Variants in MROH7 observed in about 807,000 individuals in gnomAD.
The protein encoded by MROH7 is maestro heat-like repeat-containing protein family member 7.
A neutral mutation model predicts 129.2 loss-of-function variants in MROH7; 113 were observed. The ratio of observed to expected loss-of-function variants is 0.87; its 90% confidence interval spans 0.75 to 1.02. The LOEUF is 1.02. Among genes scored for constraint, MROH7 ranks in the 50% least tolerant of loss-of-function variants. The pLI is 0.00. For missense variants in MROH7, 1,601 were observed against 1,671.3 expected, an observed-to-expected ratio of 0.96 and a Z score of 0.73; for synonymous variants, 655 against 667.9, an observed-to-expected ratio of 0.98 and a Z score of 0.30.
intron 15 of MROH7, among the ~76,000 whole-genome samples, chr1:54,691,828 G>GTA (rs1645244111): frequency 6.7e-6 from 1 of 149,992 alleles, no homozygotes; most frequent in South Asian, 2.1e-4. Context: ...GTGTGTGTGT[G>GTA]TGTGTGTGTA....
chr1:54,668,314 T>C (rs1212253156), intron 4 of MROH7, among the ~76,000 whole-genome samples: 1 of 152,256 alleles, frequency 6.6e-6, no homozygotes, highest in Non-Finnish European at 1.5e-5. Context: ...GCAGCCATTT[T>C]CAATATGCCA....
chr1:54,690,679 G>C (rs1479605381), intron 15 of MROH7, among the ~76,000 whole-genome samples: 1 of 152,184 alleles, frequency 6.6e-6, no homozygotes, highest in South Asian at 2.1e-4. Flanking sequence ...TCCTGACCTC[G>C]TGATCCACCC....
At position 54,703,154 on chromosome 1, in the gene MROH7, C is replaced by T. The variant is rs1645466907; in HGVS notation, c.3564+409C>T. 6.6e-6 allele frequency among the ~76,000 whole-genome samples: 1 copy of T among 152,192 alleles called. No homozygotes were observed. The highest frequency in any genetic ancestry group is 2.4e-5 in the African/African-American group (1 of 41,446). ...TGCTTTTCCCTCCCCACCCTGCTGC[C>T]ATCGTTGCCCTTAATTCAGGGCACC... is the stretch of plus-strand genomic sequence containing the variant. On this transcript the variant is annotated intron_variant, in intron 21 of 23. Coordinates refer to ENST00000421030, the MANE Select transcript of MROH7 (RefSeq NM_001039464.4). This position sits in a 1 kb window ranked among gnomAD's most constrained non-coding sequence, Gnocchi z 4.4.
chr1:54,697,471 A>G, intron 17 of MROH7: 1 of 521,436 alleles, frequency 1.9e-6, no homozygotes, highest in Non-Finnish European at 3.4e-6. Flanking sequence ...CTCCAGGGAG[A>G]GCAAACCTGG....
chr1:54,706,626 C>G, intron 22 of MROH7, 89 bp downstream of exon 22: 1 of 948,296 alleles, frequency 1.1e-6, no homozygotes, highest in Non-Finnish European at 1.7e-6. Context: ...CCTTTCAGCA[C>G]CTGGGGGGAT....
intron 1 of MROH7, among the ~76,000 whole-genome samples, chr1:54,649,875 C>G (rs1260578421): frequency 6.6e-6 from 1 of 152,182 alleles, no homozygotes; most frequent in African/African-American, 2.4e-5. Context: ...ACTGTGAAAT[C>G]AAGGAGCAAT....
In MROH7 at chr1:54,645,776, C is replaced by A. The variant is rs151159094; in HGVS notation, c.-110+3808C>A. 1.8e-3 allele frequency among the ~76,000 whole-genome samples: 277 copies of A among 151,432 alleles called. 2 individuals carry two copies. Among genetic ancestry groups the A allele is most frequent in the African/African-American group, 6.4e-3 (265 of 41,218 alleles). On this transcript the variant is annotated intron_variant, in intron 1 of 23. Coordinates refer to ENST00000421030, the MANE Select transcript of MROH7 (RefSeq NM_001039464.4). ...AAGCAATTCTCCTGCCTCAGCCTCC[C>A]GAGTAAGGTAGGACTACAGGCGCAC...
rs75579421 is a variant in MROH7, at chr1:54,653,199, A to G, written c.273A>G (p.Pro91=). The G allele has an allele frequency of 7.1e-3, 11,477 of 1,614,206 alleles. 656 individuals carry two copies. The Admixed American group carries it at 0.13, about 18-fold the overall frequency. The part of the protein sequence containing the change: ...PRPDDSRAIA[P]ASLQITSSCS... ...CTGATGACAGCAGAGCTATCGCTCC[A>G]GCCTCCCTCCAGATCACCAGTTCTT... is the stretch of plus-strand genomic sequence containing the variant. Residue 91 remains proline, a synonymous_variant, in exon 3 of 24, where the codon CCA becomes CCG. Coordinates refer to ENST00000421030, the MANE Select transcript of MROH7 (RefSeq NM_001039464.4).
rs750210690 is a variant in MROH7, at chr1:54,702,637, CCTGTTACG to C, written c.3462_3469del (p.Leu1154PhefsTer14). On this transcript the variant is annotated frameshift_variant, in exon 21 of 24. Coordinates refer to ENST00000421030, the MANE Select transcript of MROH7 (RefSeq NM_001039464.4). LOFTEE classifies it high-confidence loss of function. ...TTGGTTCCCAGAAGTGTGTGAAGAC[CCTGTTACG>C]CTGTTCTTACTTCATGGCTTGGGAG... The C allele has an allele frequency of 8.1e-6, 13 of 1,610,592 alleles. No homozygotes were observed. The South Asian group carries it at 1.4e-4, about 18-fold the overall frequency.
intron 3 of MROH7, 145 bp downstream of exon 3, chr1:54,654,302 A>G (rs767070505): frequency 1.2e-5 from 10 of 851,142 alleles, no homozygotes; most frequent in Non-Finnish European, 1.7e-5. Context: ...CTAGACATCT[A>G]ATAATCGGCC....
intron 13 of MROH7, 47 bp from the exon 14 acceptor site, chr1:54,682,609 C>A: frequency 6.3e-7 from 1 of 1,577,960 alleles, no homozygotes; most frequent in Admixed American, 1.8e-5. Context: ...CTGGGTTAGC[C>A]CCACTGCCTT....
intron 3 of MROH7, among the ~76,000 whole-genome samples, chr1:54,655,733 G>T (rs545739628): frequency 6.6e-6 from 1 of 151,698 alleles, no homozygotes; most frequent in East Asian, 1.9e-4. Flanking sequence ...TTTTTTTAGG[G>T]CCTCAAAAAA....
At chr1:54,694,011 A>G (rs1452453427) in intron 16 of MROH7, among the ~76,000 whole-genome samples, 1 of 152,118 alleles carries the variant, frequency 6.6e-6, no homozygotes, top group African/African-American at 2.4e-5. Flanking sequence ...CCTCCAGAGT[A>G]GCTGGGATCA....
intron 4 of MROH7, 68 bp downstream of exon 4, chr1:54,665,308 C>T: frequency 2.4e-6 from 3 of 1,265,182 alleles, no homozygotes; most frequent in East Asian, 2.4e-5. Flanking sequence ...CCCCTACCCC[C>T]CAGCCCAGCA....
chr1:54,677,812 T>G (rs1645005713), intron 10 of MROH7, among the ~76,000 whole-genome samples: 2 of 152,220 alleles, frequency 1.3e-5, no homozygotes, highest in South Asian at 4.2e-4. Context: ...TATTCTAGGA[T>G]ATGGGGACAC....
Position 54,706,502 on chromosome 1 carries a change from G to C in MROH7, c.3632G>C (p.Arg1211Pro). The change falls in exon 22 of 24, where the codon CGG (arginine) becomes CCG (proline). Residue 1211 changes from arginine (R) to proline (P), a missense_variant. Coordinates refer to ENST00000421030, the MANE Select transcript of MROH7 (RefSeq NM_001039464.4). ...AGCCTGGAGTATGCCAAGAACTCAC[G>C]GGCCTCCCTCCGGAAGTGCTCAGTC... ...SQSLEYAKNS[R>P]ASLRKCSVMF... 1 of 1,613,008 alleles carries C rather than the reference G, an allele frequency of 6.2e-7. No individual in the cohort carries two copies. The highest frequency in any genetic ancestry group is 8.5e-7 in the Non-Finnish European group (1 of 1,179,846).
Position 54,653,046 on chromosome 1 carries a change from C to A in MROH7, c.120C>A (p.Asp40Glu), listed in dbSNP as rs1161548342. The change falls in exon 3 of 24, where the codon GAC (aspartate) becomes GAA (glutamate). Residue 40 changes from aspartate to glutamate, a missense_variant. Asp to Glu is a conservative substitution (Grantham distance 45, BLOSUM62 2). Transcript: ENST00000421030. ...GSGTIPQPHP[D>E]MAQVPMLNLL... ...GTACCATCCCTCAGCCCCACCCAGA[C>A]ATGGCTCAGGTGCCTATGTTGAATC... 1 of 1,614,220 alleles carries A rather than the reference C, an allele frequency of 6.2e-7. No homozygotes were observed. Among genetic ancestry groups the A allele is most frequent in the South Asian group, 1.1e-5 (1 of 91,086 alleles).
chr1:54,697,892 C>T (rs1645348019), intron 17 of MROH7: 1 of 478,948 alleles, frequency 2.1e-6, no homozygotes, highest in Non-Finnish European at 3.7e-6. Flanking sequence ...CCTGTGTCCA[C>T]CACAAAGTCA....
chr1:54,700,215 G>A (rs760266458), intron 17 of MROH7, 106 bp from the exon 18 acceptor site: 151 of 1,467,936 alleles, frequency 1.0e-4, no homozygotes, highest in Non-Finnish European at 1.3e-4. Flanking sequence ...CTGAAGCTCC[G>A]GGCAGAGCTG....
Sources: allele counts gnomAD v4.1 joint callset (sites outside exome capture counted in the v4.1 genomes callset), GRCh38; gene constraint gnomAD v4.1.1; non-coding constraint Gnocchi (gnomAD v3.1); transcripts MANE v1.5; gene names NCBI Gene and HGNC (gene_info 2026-07-23, HGNC 2026-07-21).